Variants in FGF7 observed in about 807,000 individuals in gnomAD.
FGF7 encodes fibroblast growth factor 7.
Under a neutral mutation model 20.5 loss-of-function variants are expected in FGF7, and 6 were observed. The observed-to-expected ratio is 0.29, with a 90% CI of 0.16 to 0.58. FGF7 has a LOEUF of 0.58. Among genes scored for constraint, FGF7 ranks in the 20% least tolerant of loss-of-function variants. The probability of loss-of-function intolerance (pLI) is 0.90; values close to 1 mark genes in which losing one functional copy is unlikely to be tolerated. For synonymous variants in FGF7, 64 were observed against 74.7 expected, an observed-to-expected ratio of 0.86 and a Z score of 0.74; for missense variants, 144 against 228.8, an observed-to-expected ratio of 0.63 and a Z score of 2.39.
chr15:49,447,474 T>C (rs1490315339), intron 2 of FGF7, among the ~76,000 whole-genome samples: 2 of 151,648 alleles, frequency 1.3e-5, no homozygotes, highest in African/African-American at 4.8e-5. Context: ...GCAGCTAGTA[T>C]AGAAATCATG....
chr15:49,444,034 G>A (rs2051940286), intron 2 of FGF7, among the ~76,000 whole-genome samples: 1 of 151,702 alleles, frequency 6.6e-6, no homozygotes, highest in African/African-American at 2.4e-5. Flanking sequence ...AATAGCAGGT[G>A]TAAACTAACA....
intron 2 of FGF7, among the ~76,000 whole-genome samples, chr15:49,451,230 G>C (rs2052704404): frequency 6.6e-6 from 1 of 151,990 alleles, no homozygotes; most frequent in Non-Finnish European, 1.5e-5. Flanking sequence ...ATTAGAGCTT[G>C]CCAATTTCTA....
At chr15:49,480,672 G>A (rs1222924193) in intron 2 of FGF7, among the ~76,000 whole-genome samples, 7 of 151,996 alleles carry the variant, frequency 4.6e-5, no homozygotes, top group South Asian at 2.1e-4. Context: ...TAGTAGAAAC[G>A]GGGTTTCGCC....
chr15:49,482,290 T>C (rs1237909290), intron 2 of FGF7, among the ~76,000 whole-genome samples: 1 of 152,090 alleles, frequency 6.6e-6, no homozygotes, highest in African/African-American at 2.4e-5. Flanking sequence ...GGAAGATATA[T>C]ATAATAAAGG....
intron 2 of FGF7, among the ~76,000 whole-genome samples, chr15:49,426,064 TGGA>T (rs1204955842): frequency 6.6e-6 from 1 of 151,488 alleles, no homozygotes; most frequent in Non-Finnish European, 1.5e-5. Context: ...AATAATATCA[TGGA>T]TAATAAAACC....
chr15:49,447,210 G>A lies in FGF7; in HGVS notation c.286+22627G>A, dbSNP rs2151865729. Among the ~76,000 whole-genome samples the A allele has an allele frequency of 1.3e-5, 2 of 151,722 alleles. 1 individual carries two copies. The highest frequency in any genetic ancestry group is 4.8e-5 in the African/African-American group (2 of 41,480). On this transcript the variant is annotated intron_variant, in intron 2 of 3. Coordinates refer to ENST00000267843, the MANE Select transcript of FGF7 (RefSeq NM_002009.4). ...TATTATATAATCCACCAGGCCCATT[G>A]TAAATAATCTTGCACTATATTGTTA...
intron 2 of FGF7, among the ~76,000 whole-genome samples, 169 bp from the exon 3 acceptor site, chr15:49,482,982 T>G (rs999531254): frequency 6.6e-6 from 1 of 152,088 alleles, no homozygotes; most frequent in Non-Finnish European, 1.5e-5. Context: ...ATGACTATCT[T>G]GGTGTTTGTG....
chr15:49,457,009 G>C (rs2053359632), intron 2 of FGF7, among the ~76,000 whole-genome samples: 1 of 152,118 alleles, frequency 6.6e-6, no homozygotes. Context: ...GAGCTAGTGA[G>C]TGGATGAATC....
rs1014217106 is a variant in FGF7 at position 49,440,368 on chromosome 15, G to C, written c.286+15785G>C. 4.6e-5 allele frequency among the ~76,000 whole-genome samples: 7 copies of C among 151,628 alleles called. No individual in the cohort carries two copies. The South Asian group carries it at 1.5e-3, about 32-fold the overall frequency. On this transcript the variant is annotated intron_variant, in intron 2 of 3. Coordinates refer to ENST00000267843, the MANE Select transcript of FGF7 (RefSeq NM_002009.4). ...AGTCATCATAGAGGGGTAGAATATT[G>C]CTCCAAAGTATTTATAGTGAAAAGC...
chr15:49,455,598 A>T (rs796475412), intron 2 of FGF7, among the ~76,000 whole-genome samples: 8 of 152,324 alleles, frequency 5.3e-5, no homozygotes, highest in African/African-American at 1.9e-4. Context: ...TTGGATTTAG[A>T]TAAAAGTCTT....
At position 49,485,114 on chromosome 15, in the gene FGF7, G is replaced by T. The variant is rs2056298487; in HGVS notation, c.*610G>T. 6.6e-6 allele frequency: 1 copy of T among 152,146 alleles called. No individual in the cohort carries two copies. Among genetic ancestry groups the T allele is most frequent in the African/African-American group, 2.4e-5 (1 of 41,410 alleles). The allele number at this position is 152,146 out of a possible 1,614,324, so 9.4% of individuals were successfully genotyped here. A position where few individuals can be genotyped will look rare whatever the true frequency, so the allele number is the denominator to read the frequency against. ...TAACAAAAGTACAGGATTAGAACATGCTTATACCTATAAATAAGAACAAAA... is the reference window on the plus strand; with the variant it reads ...TAACAAAAGTACAGGATTAGAACATTCTTATACCTATAAATAAGAACAAAA... On this transcript the variant is annotated 3_prime_UTR_variant, in exon 4 of 4. Transcript: ENST00000267843.
At chr15:49,471,484 A>AAATAATAAT (rs201297260) in intron 2 of FGF7, among the ~76,000 whole-genome samples, 1,909 of 137,826 alleles carry the variant, frequency 0.014, 23 homozygotes, top group South Asian at 0.036. Context: ...CTCTATCTCA[A>AAATAATAAT]AATAATAATA....
At chr15:49,443,764 C>T (rs1193139965) in intron 2 of FGF7, among the ~76,000 whole-genome samples, 1 of 151,662 alleles carries the variant, frequency 6.6e-6, no homozygotes, top group Non-Finnish European at 1.5e-5. Flanking sequence ...TCCTCTATTA[C>T]AACCATGGTT....
At chr15:49,440,917 G>T (rs2151835853) in intron 2 of FGF7, among the ~76,000 whole-genome samples, 1 of 151,784 alleles carries the variant, frequency 6.6e-6, no homozygotes, top group Non-Finnish European at 1.5e-5. Context: ...GATGATACTG[G>T]TTATAAGTTG....
chr15:49,465,277 C>CTGCCACCA (rs2054163531), intron 2 of FGF7, among the ~76,000 whole-genome samples: 1 of 151,464 alleles, frequency 6.6e-6, no homozygotes, highest in African/African-American at 2.4e-5. Context: ...TTACAGGCAC[C>CTGCCACCA]TGCCACCATG....
intron 2 of FGF7, among the ~76,000 whole-genome samples, chr15:49,475,606 AT>A (rs1308588878): frequency 3.0e-5 from 4 of 133,456 alleles, no homozygotes; most frequent in African/African-American, 9.3e-5. Flanking sequence ...TATTTATTAA[AT>A]TTATTAATTT....
intron 2 of FGF7, among the ~76,000 whole-genome samples, chr15:49,471,302 T>C (rs991800864): frequency 6.6e-6 from 1 of 151,662 alleles, no homozygotes; most frequent in Non-Finnish European, 1.5e-5. Flanking sequence ...CTGGCTAACA[T>C]GGCAAAACCC....
intron 2 of FGF7, among the ~76,000 whole-genome samples, chr15:49,481,844 G>A (rs1366551669): frequency 2.0e-5 from 3 of 152,100 alleles, no homozygotes; most frequent in Non-Finnish European, 4.4e-5. Flanking sequence ...TCTGACTAGT[G>A]TTAAGTATAG....
At chr15:49,429,114 A>G (rs1344805117) in intron 2 of FGF7, among the ~76,000 whole-genome samples, 1 of 152,016 alleles carries the variant, frequency 6.6e-6, no homozygotes, top group Admixed American at 6.6e-5. Context: ...CTAAAAGAAC[A>G]ATAATTCACA....
Sources: allele counts gnomAD v4.1 joint callset (sites outside exome capture counted in the v4.1 genomes callset), GRCh38; gene constraint gnomAD v4.1.1; transcripts MANE v1.5; gene names NCBI Gene and HGNC (gene_info 2026-07-23, HGNC 2026-07-21).